The following MTFR2 variants were observed in gnomAD, a reference collection of about 807,000 sequenced individuals.
The protein encoded by MTFR2 is mitochondrial fission regulator 2.
MTFR2 carries 44 observed loss-of-function variants against 41.2 expected under a neutral mutation model. The observed-to-expected ratio is 1.07, with a 90% CI of 0.84 to 1.37. The LOEUF (loss-of-function observed/expected upper bound fraction) is 1.37, where lower values mean the gene tolerates loss of function less well. Among genes scored for constraint, MTFR2 ranks in the 40% most tolerant of loss-of-function variants. The pLI, the probability that MTFR2 is intolerant of heterozygous loss-of-function variation, is 0.00. For missense variants in MTFR2, 452 were observed against 459.5 expected, an observed-to-expected ratio of 0.98 and a Z score of 0.15; for synonymous variants, 141 against 154.6, an observed-to-expected ratio of 0.91 and a Z score of 0.65.
At chr6:136,248,026 C>T (rs1454379727) in intron 2 of MTFR2, among the ~76,000 whole-genome samples, 2 of 152,132 alleles carry the variant, frequency 1.3e-5, no homozygotes, top group Admixed American at 6.6e-5. Context: ...TACTAAGATG[C>T]CCATTTATAA....
At chr6:136,245,027 T>C (rs1333178007) in intron 2 of MTFR2, among the ~76,000 whole-genome samples, 158 bp from the exon 3 acceptor site, 1 of 152,128 alleles carries the variant, frequency 6.6e-6, no homozygotes, top group East Asian at 1.9e-4. Flanking sequence ...TAAAAAGAAA[T>C]ATAGAATGGC....
In MTFR2 at chr6:136,243,714, T is replaced by TAAA. The variant is rs71661846; in HGVS notation, c.169-744_169-742dup. Among the ~76,000 whole-genome samples, 9 of 135,770 alleles carry TAAA rather than the reference T, an allele frequency of 6.6e-5. No homozygotes were observed. The South Asian group carries it at 1.9e-3, about 29-fold the overall frequency. 89.1% of individuals were successfully genotyped at this position (135,770 alleles called of 152,430 possible). On this transcript the variant is annotated intron_variant, in intron 3 of 7. Coordinates refer to ENST00000420702, the MANE Select transcript of MTFR2 (RefSeq NM_001099286.3). Reference sequence around the variant, plus strand: ...CCTGGGCGACAGCAAGACCTTATCTTAAAAAAAAAAAAAAAAAGTTAACTA... The same window carrying TAAA: ...CCTGGGCGACAGCAAGACCTTATCTTAAAAAAAAAAAAAAAAAAAAGTTAACTA...
intron 6 of MTFR2, among the ~76,000 whole-genome samples, chr6:136,237,822 A>T (rs1264193472): frequency 6.6e-6 from 1 of 152,122 alleles, no homozygotes; most frequent in Non-Finnish European, 1.5e-5. Context: ...TCTAAAAAAA[A>T]AAAAGAATAA....
At chr6:136,245,350 G>A (rs549776340) in intron 2 of MTFR2, among the ~76,000 whole-genome samples, 2 of 152,276 alleles carry the variant, frequency 1.3e-5, no homozygotes, top group South Asian at 4.1e-4. Context: ...TCAGGTCCTA[G>A]ACAATTCAGA....
rs58671808 is a variant in MTFR2, at chr6:136,239,479, G to A, written c.856C>T (p.Arg286Cys). Residue 286 changes from arginine (R) to cysteine (C), a missense_variant, in exon 6 of 8, where the codon CGT (arginine) becomes TGT (cysteine). Arg to Cys is a radical substitution (Grantham distance 180, BLOSUM62 -3). Transcript: ENST00000420702. ...ACAACAACATACCGCTCAATTGCAC[G>A]AAGCTTAACCTTATTCATATCCTTT... Reference protein sequence around the residue: ...VLKDMNKVKLRAIERSPGGRP... With the variant: ...VLKDMNKVKLCAIERSPGGRP... 1,641 of 1,593,648 alleles carry A rather than the reference G, an allele frequency of 1.0e-3. 19 individuals carry two copies. The African/African-American group carries it at 0.018, about 18-fold the overall frequency.
intron 7 of MTFR2, 129 bp downstream of exon 7, chr6:136,233,196 G>T: frequency 1.5e-6 from 1 of 670,288 alleles, no homozygotes. Context: ...AGAAACATTA[G>T]CAGCATCAAT....
Position 136,239,493 on chromosome 6 carries a change from T to C in MTFR2, c.842A>G (p.Asn281Ser). 4 of 1,613,090 alleles carry C rather than the reference T, an allele frequency of 2.5e-6. No individual in the cohort carries two copies. The highest frequency in any genetic ancestry group is 8.5e-7 in the Non-Finnish European group (1 of 1,179,200). The change falls in exon 6 of 8, where the codon AAT becomes AGT. Residue 281 changes from asparagine to serine, a missense_variant. Physicochemically the swap from Asn to Ser is conservative, Grantham distance 46. Coordinates refer to ENST00000420702, the MANE Select transcript of MTFR2 (RefSeq NM_001099286.3). ...CTCAATTGCACGAAGCTTAACCTTA[T>C]TCATATCCTTTAGAACGTCCAACAT... Reference protein sequence around the residue: ...PNMLDVLKDMNKVKLRAIERS... With the variant: ...PNMLDVLKDMSKVKLRAIERS...
chr6:136,233,520 T>C (rs755798039), intron 6 of MTFR2, 21 bp from the exon 7 acceptor site: 3 of 1,422,438 alleles, frequency 2.1e-6, no homozygotes, highest in East Asian at 2.4e-5. Context: ...AAAAAAAAAA[T>C]TGAATTTATT....
intron 7 of MTFR2, among the ~76,000 whole-genome samples, chr6:136,232,224 T>C (rs1779780145): frequency 6.6e-6 from 1 of 152,036 alleles, no homozygotes; most frequent in South Asian, 2.1e-4. Flanking sequence ...TGTGTGTGTG[T>C]GACAAGTCCC....
intron 5 of MTFR2, among the ~76,000 whole-genome samples, chr6:136,240,955 G>A (rs368507536): frequency 2.6e-5 from 4 of 152,156 alleles, no homozygotes; most frequent in African/African-American, 7.2e-5. Flanking sequence ...GCCGAGCGTG[G>A]TGGCGGGCGC....
At position 136,241,443 on chromosome 6, in the gene MTFR2, C is replaced by G; in HGVS notation, c.514+1G>C. The G allele has an allele frequency of 1.2e-6, 2 of 1,608,204 alleles. No homozygotes were observed. Among genetic ancestry groups the G allele is most frequent in the Non-Finnish European group, 1.7e-6 (2 of 1,176,246 alleles). On this transcript the variant is annotated splice_donor_variant, in intron 5 of 7. Transcript: ENST00000420702. LOFTEE classifies it high-confidence loss of function. ...GAAACAAAAATCCTACTGTTACTTA[C>G]TAGAATTTGTACTATTTTTCAGTTC...
At position 136,239,840 on chromosome 6, in the gene MTFR2, T is replaced by G. The variant is rs777324569; in HGVS notation, c.515-20A>C. ...AGGAACCTACAAACAAAGTGGTTTATTACAAAATCATGCACAATTATCTCT... is the reference window on the plus strand; with the variant it reads ...AGGAACCTACAAACAAAGTGGTTTAGTACAAAATCATGCACAATTATCTCT... On this transcript the variant is annotated intron_variant, in intron 5 of 7. Coordinates refer to ENST00000420702, the MANE Select transcript of MTFR2 (RefSeq NM_001099286.3). The G allele has an allele frequency of 6.4e-7, 1 of 1,572,186 alleles. No homozygotes were observed. The highest frequency in any genetic ancestry group is 2.3e-5 in the East Asian group (1 of 44,186).
chr6:136,240,969 TAGTCCC>T (rs1250153449), intron 5 of MTFR2, among the ~76,000 whole-genome samples: 2 of 151,936 alleles, frequency 1.3e-5, no homozygotes, highest in African/African-American at 4.8e-5. Context: ...CGGGCGCCTG[TAGTCCC>T]AGCTACTCGA....
At position 136,239,472 on chromosome 6, in the gene MTFR2, A is replaced by G. The variant is rs749351879; in HGVS notation, c.863T>C (p.Ile288Thr). The change falls in exon 6 of 8, where the codon ATT (isoleucine) becomes ACT (threonine). Residue 288 changes from isoleucine (I) to threonine (T), a missense_variant. Coordinates refer to ENST00000420702, the MANE Select transcript of MTFR2 (RefSeq NM_001099286.3). ...KDMNKVKLRA[I>T]ERSPGGRPIH... ...TCAAATTACAACAACATACCGCTCA[A>G]TTGCACGAAGCTTAACCTTATTCAT... 17 of 1,594,084 alleles carry G rather than the reference A, an allele frequency of 1.1e-5. No individual in the cohort carries two copies. The highest frequency in any genetic ancestry group is 1.4e-5 in the Non-Finnish European group (16 of 1,165,996).
chr6:136,242,767 A>G, intron 4 of MTFR2, 94 bp downstream of exon 4: 3 of 920,090 alleles, frequency 3.3e-6, no homozygotes, highest in African/African-American at 1.7e-5. Flanking sequence ...TTGAAGATAA[A>G]CAAAACAAAA....
chr6:136,244,091 A>T (rs1179294312), intron 3 of MTFR2, among the ~76,000 whole-genome samples: 1 of 152,216 alleles, frequency 6.6e-6, no homozygotes, highest in Non-Finnish European at 1.5e-5. Flanking sequence ...AAATAAAAAC[A>T]TTTATAAAAA....
At chr6:136,244,323 C>T (rs551891256) in intron 3 of MTFR2, among the ~76,000 whole-genome samples, 20 of 152,192 alleles carry the variant, frequency 1.3e-4, no homozygotes, top group Non-Finnish European at 2.4e-4. Context: ...CTAATTTTTA[C>T]TGCATTGTTA....
intron 4 of MTFR2, among the ~76,000 whole-genome samples, chr6:136,241,960 G>A (rs1780087471): frequency 6.6e-6 from 1 of 151,384 alleles, no homozygotes; most frequent in African/African-American, 2.4e-5. Context: ...TGCCCCTGTA[G>A]TCCCAGCTAC....
chr6:136,244,886 G>A lies in MTFR2; in HGVS notation c.64-17C>T, dbSNP rs755346945. 3 of 1,544,718 alleles carry A rather than the reference G, an allele frequency of 1.9e-6. No individual in the cohort carries two copies. Among genetic ancestry groups the A allele is most frequent in the Non-Finnish European group, 1.8e-6 (2 of 1,126,434 alleles). On this transcript the variant is annotated splice_polypyrimidine_tract_variant and intron_variant, in intron 2 of 7. Coordinates refer to ENST00000420702, the MANE Select transcript of MTFR2 (RefSeq NM_001099286.3). ...CAGCAAAACCTATTTTAAACATAAA[G>A]TATGAATTAAAATGCACTCTGATTA... is the stretch of plus-strand genomic sequence containing the variant.
Sources: gnomAD v4.1 joint callset for allele counts (sites outside exome capture counted in the v4.1 genomes callset) on GRCh38, gnomAD v4.1.1 for gene constraint, MANE v1.5 for transcripts, NCBI Gene and HGNC (gene_info 2026-07-23, HGNC 2026-07-21) for gene names.